The following BANP variants were observed in gnomAD, a reference collection of about 807,000 sequenced individuals.
BANP encodes protein BANP.
Under a neutral mutation model 68.1 loss-of-function variants are expected in BANP, and 11 were observed. That is an observed-to-expected ratio of 0.16 (90% CI 0.10 to 0.27). The LOEUF is 0.27. BANP is among the 10% of genes least tolerant of loss of function. The pLI is 1.00. For missense variants in BANP, 504 were observed against 722.7 expected, an observed-to-expected ratio of 0.70 and a Z score of 3.47; for synonymous variants, 329 against 303.2, an observed-to-expected ratio of 1.09 and a Z score of -0.88.
chr16:87,988,822 C>T (rs1257954310), intron 4 of BANP, among the ~76,000 whole-genome samples: 1 of 152,186 alleles, frequency 6.6e-6, no homozygotes, highest in African/African-American at 2.4e-5. Context: ...AGAGCGGCTG[C>T]ATCTGCTCAG....
At chr16:88,061,740 A>T (rs957788850) in intron 11 of BANP, among the ~76,000 whole-genome samples, 17 of 151,106 alleles carry the variant, frequency 1.1e-4, no homozygotes, top group Non-Finnish European at 1.6e-4. Context: ...ATCTCGGCTC[A>T]CCGCAACCTC....
intron 4 of BANP, among the ~76,000 whole-genome samples, chr16:87,998,478 C>T (rs1397272362): frequency 5.9e-5 from 9 of 152,246 alleles, no homozygotes; most frequent in African/African-American, 1.9e-4. Flanking sequence ...CTGTCTGTGC[C>T]GTGAAGGTGC....
At chr16:87,963,734 T>A (rs1273345427) in intron 1 of BANP, among the ~76,000 whole-genome samples, 1 of 152,222 alleles carries the variant, frequency 6.6e-6, no homozygotes, top group Non-Finnish European at 1.5e-5. Flanking sequence ...GAGAAGATCC[T>A]GGTGTTGAAG....
At chr16:88,035,664 T>A (rs1053623939) in intron 10 of BANP, among the ~76,000 whole-genome samples, 1 of 152,208 alleles carries the variant, frequency 6.6e-6, no homozygotes, top group Non-Finnish European at 1.5e-5. Context: ...TGGCTGGAAG[T>A]GCCCTCTGAG....
Position 88,064,551 on chromosome 16 carries a change from G to A in BANP, c.1312-716G>A, listed in dbSNP as rs1314107680. ...CGTCCAGGCCAGCATCGGGTTGGCT[G>A]AGGGTTTGCCGAGGAGAGGGCATCG... On this transcript the variant is annotated intron_variant, in intron 11 of 13. Transcript: ENST00000682872. The surrounding 1 kb of genome is among the most constrained non-coding windows in gnomAD (Gnocchi z 4.5). Among the ~76,000 whole-genome samples the A allele has an allele frequency of 4.6e-5, 7 of 152,268 alleles. No homozygotes were observed. Among genetic ancestry groups the A allele is most frequent in the African/African-American group, 7.2e-5 (3 of 41,472 alleles).
chr16:87,990,111 C>T (rs1158353832), intron 4 of BANP, among the ~76,000 whole-genome samples: 3 of 151,990 alleles, frequency 2.0e-5, no homozygotes, highest in African/African-American at 7.3e-5. Context: ...CATACTGACT[C>T]GAAAAATTAT....
chr16:88,046,073 G>A (rs995941309), intron 11 of BANP, among the ~76,000 whole-genome samples: 41 of 152,256 alleles, frequency 2.7e-4, no homozygotes, highest in Non-Finnish European at 5.3e-4. Flanking sequence ...TGGCACTGGT[G>A]CCCAGGTGGT....
Position 88,057,291 on chromosome 16 carries a change from C to A in BANP, c.1312-7976C>A, listed in dbSNP as rs1374857967. On this transcript the variant is annotated intron_variant, in intron 11 of 13. Transcript: ENST00000682872. The surrounding 1 kb of genome is among the most constrained non-coding windows in gnomAD (Gnocchi z 4.6). Reference sequence around the variant, plus strand: ...TTGCTTTGGGTGCCTCTGTGGGGAGCAGCTAATGGATGTGTAGACTCTTTT... The same window carrying A: ...TTGCTTTGGGTGCCTCTGTGGGGAGAAGCTAATGGATGTGTAGACTCTTTT... 2.0e-5 allele frequency among the ~76,000 whole-genome samples: 3 copies of A among 152,144 alleles called. No individual in the cohort carries two copies. The highest frequency in any genetic ancestry group is 4.4e-5 in the Non-Finnish European group (3 of 68,038).
intron 1 of BANP, chr16:87,966,780 G>A (rs1597838524): frequency 6.6e-6 from 1 of 152,264 alleles, no homozygotes; most frequent in Admixed American, 6.5e-5. Flanking sequence ...GAAGGGCCTC[G>A]GCATGTCCTT....
intron 6 of BANP, among the ~76,000 whole-genome samples, chr16:88,015,013 C>T (rs1436553438): frequency 1.3e-5 from 2 of 151,646 alleles, no homozygotes; most frequent in South Asian, 2.1e-4. Context: ...GCCCGTCCCT[C>T]TGCCTGTGCC....
In BANP at chr16:88,021,835, CAGCTCACGAGGG is replaced by C. The variant is rs2076089956; in HGVS notation, c.895+3171_895+3182del. Among the ~76,000 whole-genome samples, 5 of 152,324 alleles carry C rather than the reference CAGCTCACGAGGG, an allele frequency of 3.3e-5. No homozygotes were observed. In the South Asian group the frequency reaches 1.0e-3, roughly 32 times the overall value. On this transcript the variant is annotated intron_variant, in intron 7 of 13. Transcript: ENST00000682872. ...TGCGGCTGTCCTCACTCAACCCAGG[CAGCTCACGAGGG>C]AGAAGATTTTGATTTAAGTTTCTCC...
At position 88,003,584 on chromosome 16, in the gene BANP, G is replaced by C. The variant is rs1555570665; in HGVS notation, c.363-711G>C. 2.2e-6 allele frequency: 1 copy of C among 455,378 alleles called. No individual in the cohort carries two copies. Among genetic ancestry groups the C allele is most frequent in the South Asian group, 1.6e-5 (1 of 64,446 alleles). 28.2% of individuals were successfully genotyped at this position (455,378 alleles called of 1,614,324 possible). A position where few individuals can be genotyped will look rare whatever the true frequency, so the allele number is the denominator to read the frequency against. Reference sequence around the variant, plus strand: ...TGTGGGTGAGTCTGTACTTTGAGATGAAGCTGTGTTAGCTGCCGCCTGTCT... The same window carrying C: ...TGTGGGTGAGTCTGTACTTTGAGATCAAGCTGTGTTAGCTGCCGCCTGTCT... On this transcript the variant is annotated intron_variant, in intron 4 of 13. Transcript: ENST00000682872. The surrounding 1 kb of genome is among the most constrained non-coding windows in gnomAD (Gnocchi z 6.1).
At chr16:87,983,473 C>G (rs1460272503) in intron 3 of BANP, among the ~76,000 whole-genome samples, 3 of 152,118 alleles carry the variant, frequency 2.0e-5, no homozygotes, top group Non-Finnish European at 2.9e-5. Flanking sequence ...TCACTGGTTA[C>G]TTGGAGTTAG....
At chr16:87,954,793 C>T (rs2057721166) in intron 1 of BANP, among the ~76,000 whole-genome samples, 1 of 152,224 alleles carries the variant, frequency 6.6e-6, no homozygotes, top group South Asian at 2.1e-4. Context: ...GTTGATAACA[C>T]CCTATTAAAG....
At chr16:88,072,987 G>A (rs1339304715) in intron 13 of BANP, among the ~76,000 whole-genome samples, 1 of 152,218 alleles carries the variant, frequency 6.6e-6, no homozygotes, top group African/African-American at 2.4e-5. Context: ...TCCTTTCTGT[G>A]GACCCAGCGC....
At chr16:88,044,159 G>A (rs544012665) in intron 11 of BANP, among the ~76,000 whole-genome samples, 71 of 152,374 alleles carry the variant, frequency 4.7e-4, no homozygotes, top group African/African-American at 1.6e-3. Flanking sequence ...AGGCCAACTC[G>A]CATTCTGCGG....
At position 87,964,744 on chromosome 16, in the gene BANP, C is replaced by T. The variant is rs567822662; in HGVS notation, c.-68-10304C>T. Among the ~76,000 whole-genome samples the T allele has an allele frequency of 6.6e-5, 10 of 152,254 alleles. No homozygotes were observed. In the South Asian group the frequency reaches 2.1e-3, roughly 32 times the overall value. Reference sequence around the variant, plus strand: ...GCAGGTCTGAGGGGCGGCCTGGGTCCAGGTTGGGAGTGACAGGCTGGGAAG... The same window carrying T: ...GCAGGTCTGAGGGGCGGCCTGGGTCTAGGTTGGGAGTGACAGGCTGGGAAG... On this transcript the variant is annotated intron_variant, in intron 1 of 13. Transcript: ENST00000682872.
intron 13 of BANP, among the ~76,000 whole-genome samples, chr16:88,073,362 CCTGCT>C (rs914079296): frequency 6.6e-6 from 1 of 152,136 alleles, no homozygotes; most frequent in Admixed American, 6.5e-5. Context: ...CCTGAGCATT[CCTGCT>C]GTGCCCATGG....
chr16:87,975,053 CA>C lies in BANP; in HGVS notation c.-59del. 1.3e-6 allele frequency: 2 copies of C among 1,483,962 alleles called. No homozygotes were observed. The highest frequency in any genetic ancestry group is 1.4e-5 in the African/African-American group (1 of 72,200). The allele number at this position is 1,483,962 out of a possible 1,614,324, so 91.9% of individuals were successfully genotyped here. Reference sequence around the variant, plus strand: ...CCTTTGCTTCTGTTTGGTAGGTGACCAAAAGCCAGCCCCACTGTGAGTTGAA... The same window carrying C: ...CCTTTGCTTCTGTTTGGTAGGTGACCAAAGCCAGCCCCACTGTGAGTTGAA... On this transcript the variant is annotated 5_prime_UTR_variant, in exon 2 of 14. Coordinates refer to ENST00000682872, the MANE Select transcript of BANP (RefSeq NM_001386991.1).
Sources: allele counts gnomAD v4.1 joint callset (sites outside exome capture counted in the v4.1 genomes callset), GRCh38; gene constraint gnomAD v4.1.1; non-coding constraint Gnocchi (gnomAD v3.1); transcripts MANE v1.5; gene names NCBI Gene and HGNC (gene_info 2026-07-23, HGNC 2026-07-21).